The following ABCA1 variants were observed in gnomAD, a reference collection of about 807,000 sequenced individuals.
ABCA1 encodes the protein phospholipid-transporting ATPase ABCA1.
A neutral mutation model predicts 262.5 loss-of-function variants in ABCA1; 133 were observed. That is an observed-to-expected ratio of 0.51 (90% confidence interval 0.44 to 0.59). ABCA1 has a LOEUF of 0.59. Among genes scored for constraint, ABCA1 ranks in the 20% least tolerant of loss-of-function variants. ABCA1 has a pLI of 0.00. For synonymous variants in ABCA1, 1,022 were observed against 1,043.5 expected (o/e 0.98, Z 0.40); for missense variants, 2,452 against 2,777.5 (o/e 0.88, Z 2.63).
At position 104,806,387 on chromosome 9, in the gene ABCA1, G is replaced by T; in HGVS notation, c.4318C>A (p.Pro1440Thr). Residue 1440 changes from proline to threonine, a missense_variant, in exon 31 of 50, where the codon CCA becomes ACA. Transcript: ENST00000374736. ...QAGEEEWTTA[P>T]VPQTIMDLFQ... ...AGGTCCATGATGGTCTGGGGAACTG[G>T]GGCAGTGGTCCACTCTTCCTCCCCT... 1 of 1,614,150 alleles carries T rather than the reference G, an allele frequency of 6.2e-7. No homozygotes were observed. The highest frequency in any genetic ancestry group is 8.5e-7 in the Non-Finnish European group (1 of 1,180,034).
intron 5 of ABCA1, among the ~76,000 whole-genome samples, chr9:104,863,526 G>C (rs1836817531): frequency 6.6e-6 from 1 of 152,208 alleles, no homozygotes; most frequent in Non-Finnish European, 1.5e-5. Flanking sequence ...AATCCGCGGA[G>C]CTAAGAGGGT....
intron 2 of ABCA1, among the ~76,000 whole-genome samples, chr9:104,894,921 G>T (rs1483937613): frequency 6.6e-6 from 1 of 152,158 alleles, no homozygotes; most frequent in African/African-American, 2.4e-5. Flanking sequence ...CCAAACCCAG[G>T]GGAATGTTCC....
chr9:104,857,022 G>T (rs565988828), intron 7 of ABCA1, among the ~76,000 whole-genome samples: 89 of 152,178 alleles, frequency 5.8e-4, no homozygotes, highest in African/African-American at 2.1e-3. Context: ...TTATAACATG[G>T]GACCAGGCAC....
chr9:104,864,083 C>T (rs1836861989), intron 5 of ABCA1, among the ~76,000 whole-genome samples: 1 of 152,204 alleles, frequency 6.6e-6, no homozygotes, highest in South Asian at 2.1e-4. Context: ...CTCTACCAGA[C>T]TATGCCTATA....
intron 39 of ABCA1, among the ~76,000 whole-genome samples, chr9:104,794,921 T>C (rs559060649): frequency 3.1e-4 from 47 of 152,306 alleles, no homozygotes; most frequent in African/African-American, 1.1e-3. Context: ...GAACTTATGA[T>C]CCCACAAGGC....
At chr9:104,862,730 C>T (rs1588441787) in intron 5 of ABCA1, among the ~76,000 whole-genome samples, 1 of 53,516 alleles carries the variant, frequency 1.9e-5, no homozygotes, top group Non-Finnish European at 3.7e-5. Context: ...CCCCCACCCC[C>T]ACCCCCACCC....
chr9:104,820,192 T>C (rs1449531387), intron 20 of ABCA1, 123 bp from the exon 21 acceptor site: 6 of 1,239,984 alleles, frequency 4.8e-6, no homozygotes, highest in African/African-American at 3.0e-5. Flanking sequence ...AAAATAACTT[T>C]ATCAATTTCT....
At chr9:104,844,266 C>A (rs1195709543) in intron 8 of ABCA1, among the ~76,000 whole-genome samples, 1 of 150,184 alleles carries the variant, frequency 6.7e-6, no homozygotes, top group African/African-American at 2.4e-5. Flanking sequence ...TCTCATTCTC[C>A]CCCTGGAAGA....
Position 104,817,411 on chromosome 9 carries a change from G to T in ABCA1, c.3463-7C>A. 3.1e-6 allele frequency: 5 copies of T among 1,614,174 alleles called. No individual in the cohort carries two copies. The highest frequency in any genetic ancestry group is 4.2e-6 in the Non-Finnish European group (5 of 1,179,992). ...TCTGAGAAACACTGTCCTCCTGATG[G>T]CAAAGAAGGAGGTGAGAACGGGTCA... On this transcript the variant is annotated splice_region_variant and splice_polypyrimidine_tract_variant and intron_variant, in intron 23 of 49. Coordinates refer to ENST00000374736, the MANE Select transcript of ABCA1 (RefSeq NM_005502.4). This position sits in a 1 kb window ranked among gnomAD's most constrained non-coding sequence, Gnocchi z 4.7.
intron 49 of ABCA1, among the ~76,000 whole-genome samples, chr9:104,784,929 C>T (rs1828790034): frequency 6.6e-6 from 1 of 152,168 alleles, no homozygotes; most frequent in Non-Finnish European, 1.5e-5. Context: ...CAGGCATGAG[C>T]CACCACGCCC....
chr9:104,790,538 A>G (rs1403576718), intron 44 of ABCA1, among the ~76,000 whole-genome samples: 1 of 152,214 alleles, frequency 6.6e-6, no homozygotes, highest in African/African-American at 2.4e-5. Flanking sequence ...TCTCAATTGT[A>G]TGGCACATTT....
Position 104,799,873 on chromosome 9 carries a change from G to C in ABCA1, c.4889C>G (p.Thr1630Ser). ...GAGATTCAGGGGATGATTGAAAGCA[G>C]TAATTCCATAATGGCTAGGGTTCTC... is the stretch of plus-strand genomic sequence containing the variant. Reference protein sequence around the residue: ...KGENPSHYGITAFNHPLNLTK... With the variant: ...KGENPSHYGISAFNHPLNLTK... The change falls in exon 36 of 50, where the codon ACT (threonine) becomes AGT (serine). Residue 1630 changes from threonine (T) to serine (S), a missense_variant. Around this residue, in one of 4 missense-constraint regions of ABCA1, gnomAD observed 752 missense variants for 944.5 expected, o/e 0.80. Coordinates refer to ENST00000374736, the MANE Select transcript of ABCA1 (RefSeq NM_005502.4). 6.2e-7 allele frequency: 1 copy of C among 1,614,196 alleles called. No homozygotes were observed. The highest frequency in any genetic ancestry group is 8.5e-7 in the Non-Finnish European group (1 of 1,180,032).
intron 8 of ABCA1, among the ~76,000 whole-genome samples, chr9:104,844,862 G>C (rs1415485950): frequency 1.3e-5 from 2 of 152,226 alleles, no homozygotes; most frequent in African/African-American, 4.8e-5. Flanking sequence ...TGCACTGGCT[G>C]GGAGTCAGAG....
intron 30 of ABCA1, 73 bp downstream of exon 30, chr9:104,809,393 T>C (rs1459706365): frequency 1.5e-6 from 2 of 1,377,902 alleles, no homozygotes; most frequent in Non-Finnish European, 2.1e-6. Flanking sequence ...ATGCAGTTGA[T>C]AAATGCAGCA....
At chr9:104,833,569 G>A (rs1833535885) in intron 11 of ABCA1, among the ~76,000 whole-genome samples, 1 of 152,192 alleles carries the variant, frequency 6.6e-6, no homozygotes. Context: ...CAGCTATTAA[G>A]TAGCAAAGCC....
chr9:104,862,711 C>G (rs1447170771), intron 5 of ABCA1, among the ~76,000 whole-genome samples: 298 of 22,326 alleles, frequency 0.013, 84 homozygotes, highest in African/African-American at 0.065. Context: ...GCCCCCACCC[C>G]CACCCCCACC....
At chr9:104,821,801 T>A (rs970449237) in intron 19 of ABCA1, among the ~76,000 whole-genome samples, 1 of 152,258 alleles carries the variant, frequency 6.6e-6, no homozygotes. Flanking sequence ...TAACATCGCA[T>A]GCATGGAAAA....
chr9:104,875,171 AT>A (rs1201982051), intron 5 of ABCA1, among the ~76,000 whole-genome samples: 1 of 152,010 alleles, frequency 6.6e-6, no homozygotes, highest in Non-Finnish European at 1.5e-5. Context: ...TTGAAAAAAA[AT>A]AAATAAATAA....
chr9:104,814,004 C>T (rs1364689769), intron 27 of ABCA1, 114 bp downstream of exon 27: 1 of 1,069,576 alleles, frequency 9.3e-7, no homozygotes, highest in African/African-American at 1.5e-5. Flanking sequence ...TCTCTTTGGA[C>T]TCTGTAGGGA....
Sources: gnomAD v4.1 joint callset for allele counts (sites outside exome capture counted in the v4.1 genomes callset) on GRCh38, gnomAD v4.1.1 for gene constraint, gnomAD v4.1.1 regional missense constraint, Gnocchi (gnomAD v3.1) non-coding constraint, MANE v1.5 for transcripts, NCBI Gene and HGNC (gene_info 2026-07-23, HGNC 2026-07-21) for gene names.